SLC26A7: variants seen among roughly 807,000 people sequenced by gnomAD.
SLC26A7 encodes anion exchange transporter.
In SLC26A7, 59 loss-of-function variants were observed where a neutral mutation model predicts 82.5. The observed-to-expected ratio is 0.72, with a 90% CI of 0.58 to 0.89. The LOEUF is 0.89. SLC26A7 is among the 40% of genes least tolerant of loss of function. The pLI is 0.00. For synonymous variants in SLC26A7, 271 were observed against 274.3 expected, an observed-to-expected ratio of 0.99 and a Z score of 0.12; for missense variants, 820 against 793.0, an observed-to-expected ratio of 1.03 and a Z score of -0.41.
In SLC26A7 at chr8:91,395,757, C is replaced by T. The variant is rs1226875576; in HGVS notation, c.*660C>T. ...TATCCAAATAAAACCAAGTTCTTGACATTGGTCTGTTTTGCTGTGAATATT... is the reference window on the plus strand; with the variant it reads ...TATCCAAATAAAACCAAGTTCTTGATATTGGTCTGTTTTGCTGTGAATATT... On this transcript the variant is annotated 3_prime_UTR_variant, in exon 19 of 19. Coordinates refer to ENST00000276609, the MANE Select transcript of SLC26A7 (RefSeq NM_052832.4). 6.6e-6 allele frequency: 1 copy of T among 152,114 alleles called. No homozygotes were observed. Among genetic ancestry groups the T allele is most frequent in the Non-Finnish European group, 1.5e-5 (1 of 67,980 alleles). 9.4% of individuals were successfully genotyped at this position (152,114 alleles called of 1,614,324 possible). A position where few individuals can be genotyped will look rare whatever the true frequency, so the allele number is the denominator to read the frequency against.
At position 91,249,744 on chromosome 8, in the gene SLC26A7, A is replaced by G. The variant is rs1810608069; in HGVS notation, c.93A>G (p.Arg31=). The change falls in exon 2 of 19, where the codon CGA becomes CGG. Residue 31 remains arginine (R), a synonymous_variant. Coordinates refer to ENST00000276609, the MANE Select transcript of SLC26A7 (RefSeq NM_052832.4). ...ACATTATACAGTGGTGTAGAAGGCG[A>G]CTGCCCATTTTGGATTGGGCACCAC... ...CEDIIQWCRR[R]LPILDWAPHY... 1 of 1,612,654 alleles carries G rather than the reference A, an allele frequency of 6.2e-7. No homozygotes were observed. The highest frequency in any genetic ancestry group is 2.2e-5 in the East Asian group (1 of 44,808).
At chr8:91,221,946 T>C (rs1442854950) in intron 2 of SLC26A7, among the ~76,000 whole-genome samples, 1 of 152,226 alleles carries the variant, frequency 6.6e-6, no homozygotes, top group African/African-American at 2.4e-5. Flanking sequence ...GCATCAAATC[T>C]ATAAATTACT....
chr8:91,392,629 A>C (rs969489480), intron 16 of SLC26A7, among the ~76,000 whole-genome samples: 1 of 152,198 alleles, frequency 6.6e-6, no homozygotes, highest in Non-Finnish European at 1.5e-5. Flanking sequence ...GCATGCCTTC[A>C]TGCTTTCTAA....
intron 2 of SLC26A7, among the ~76,000 whole-genome samples, chr8:91,287,890 G>T (rs540278319): frequency 6.6e-6 from 1 of 152,178 alleles, no homozygotes; most frequent in South Asian, 2.1e-4. Flanking sequence ...ATGCCTTTAT[G>T]AAATTCTAGA....
At chr8:91,348,116 A>G (rs1813615992) in intron 9 of SLC26A7, among the ~76,000 whole-genome samples, 2 of 152,182 alleles carry the variant, frequency 1.3e-5, no homozygotes, top group Admixed American at 6.5e-5. Context: ...TTTCTGCAAC[A>G]CTGAGATTGT....
intron 4 of SLC26A7, among the ~76,000 whole-genome samples, chr8:91,309,796 C>G (rs1812427341): frequency 2.6e-5 from 4 of 152,046 alleles, no homozygotes; most frequent in South Asian, 4.1e-4. Flanking sequence ...GTTCCCTCTC[C>G]CCTGATTTTT....
chr8:91,230,781 A>G (rs1810300385), intron 2 of SLC26A7, among the ~76,000 whole-genome samples: 1 of 152,232 alleles, frequency 6.6e-6, no homozygotes. Context: ...ACTGAATACT[A>G]CGGAACAGGG....
At chr8:91,282,139 T>G (rs1028486074) in intron 2 of SLC26A7, among the ~76,000 whole-genome samples, 4 of 152,184 alleles carry the variant, frequency 2.6e-5, no homozygotes, top group Non-Finnish European at 4.4e-5. Context: ...TTAGTTCTAA[T>G]CAGGGTATGT....
intron 4 of SLC26A7, among the ~76,000 whole-genome samples, chr8:91,312,730 G>C (rs145069277): frequency 6.6e-6 from 1 of 151,708 alleles, no homozygotes; most frequent in East Asian, 1.9e-4. Context: ...GTTTTGATTT[G>C]CATTTTCTTA....
At chr8:91,243,115 G>A (rs1328235089) in intron 2 of SLC26A7, among the ~76,000 whole-genome samples, 1 of 152,160 alleles carries the variant, frequency 6.6e-6, no homozygotes, top group Non-Finnish European at 1.5e-5. Context: ...GCTAAAAATT[G>A]TGTTAAATTT....
chr8:91,329,021 G>T (rs910472701), intron 5 of SLC26A7, among the ~76,000 whole-genome samples: 1 of 152,036 alleles, frequency 6.6e-6, no homozygotes, highest in African/African-American at 2.4e-5. Context: ...AGGCAGTTCT[G>T]GTTAGATAGC....
intron 5 of SLC26A7, among the ~76,000 whole-genome samples, chr8:91,324,308 G>C (rs1276173074): frequency 6.6e-6 from 1 of 152,170 alleles, no homozygotes; most frequent in East Asian, 1.9e-4. Context: ...AGGTTCTAAA[G>C]GATCAGAGTT....
intron 15 of SLC26A7, among the ~76,000 whole-genome samples, chr8:91,380,187 A>T (rs531186959): frequency 7.6e-4 from 115 of 152,222 alleles, no homozygotes; most frequent in African/African-American, 2.4e-3. Context: ...TCTCCTACAA[A>T]GTCGGTGGTA....
At chr8:91,312,864 A>T (rs34948223) in intron 4 of SLC26A7, among the ~76,000 whole-genome samples, 8,277 of 152,086 alleles carry the variant, frequency 0.054, 268 homozygotes, top group African/African-American at 0.067. Context: ...GTTGAGTTTT[A>T]GGAGTTCTCT....
At chr8:91,278,938 T>C (rs1280366123) in intron 2 of SLC26A7, among the ~76,000 whole-genome samples, 1 of 151,836 alleles carries the variant, frequency 6.6e-6, no homozygotes, top group Non-Finnish European at 1.5e-5. Context: ...CTGGTAACTA[T>C]CATTTCACTC....
At chr8:91,212,153 A>G (rs2130647398) in intron 1 of SLC26A7, among the ~76,000 whole-genome samples, 1 of 152,324 alleles carries the variant, frequency 6.6e-6, no homozygotes, top group East Asian at 1.9e-4. Flanking sequence ...TACTAATGAT[A>G]TAAATCTTTG....
intron 15 of SLC26A7, among the ~76,000 whole-genome samples, chr8:91,370,141 T>C (rs146025096): frequency 1.1e-3 from 174 of 151,922 alleles, no homozygotes; most frequent in African/African-American, 4.0e-3. Context: ...TCACTTCTAG[T>C]CTTCTTTCTC....
chr8:91,311,697 T>C (rs1812492021), intron 4 of SLC26A7, among the ~76,000 whole-genome samples: 1 of 152,062 alleles, frequency 6.6e-6, no homozygotes, highest in Non-Finnish European at 1.5e-5. Flanking sequence ...AAAAAAATGG[T>C]CTATGGTCTG....
At chr8:91,236,567 T>A (rs1360849177) in intron 2 of SLC26A7, among the ~76,000 whole-genome samples, 2 of 150,468 alleles carry the variant, frequency 1.3e-5, no homozygotes. Context: ...TCTGTGCAGA[T>A]AAAAAAAAAA....
Sources: gnomAD v4.1 joint callset for allele counts (sites outside exome capture counted in the v4.1 genomes callset) on GRCh38, gnomAD v4.1.1 for gene constraint, MANE v1.5 for transcripts, NCBI Gene and HGNC (gene_info 2026-07-23, HGNC 2026-07-21) for gene names.